Variants in CTNNBL1 observed in about 807,000 individuals in gnomAD.
CTNNBL1 encodes the protein beta-catenin-like protein 1.
In CTNNBL1, 31 loss-of-function variants were observed where a neutral mutation model predicts 72.7. The ratio of observed to expected loss-of-function variants is 0.43; its 90% confidence interval spans 0.32 to 0.58. CTNNBL1 has a LOEUF of 0.58. Among genes scored for constraint, CTNNBL1 ranks in the 20% least tolerant of loss-of-function variants. The pLI, the probability that CTNNBL1 is intolerant of heterozygous loss-of-function variation, is 0.08. For missense variants in CTNNBL1, 534 were observed against 725.1 expected (o/e 0.74, Z 3.03); for synonymous variants, 240 against 267.3 (o/e 0.90, Z 1.00).
chr20:37,787,730 C>A (rs767807930), intron 10 of CTNNBL1, among the ~76,000 whole-genome samples: 6 of 151,938 alleles, frequency 3.9e-5, no homozygotes, highest in Non-Finnish European at 5.9e-5. Context: ...TACGTTTAGC[C>A]CTTTTCCTGT....
rs1330957753 is a variant in CTNNBL1, at chr20:37,760,266, A to G, written c.564+2610A>G. Among the ~76,000 whole-genome samples the G allele has an allele frequency of 3.3e-5, 5 of 152,170 alleles. No homozygotes were observed. The East Asian group carries it at 7.7e-4, about 23-fold the overall frequency. On this transcript the variant is annotated intron_variant, in intron 5 of 15. Transcript: ENST00000361383. ...GATGACTTTGGACTTCTTGAGAATGATGATTAAATTACAGTCATTTTTCTA... is the reference window on the plus strand; with the variant it reads ...GATGACTTTGGACTTCTTGAGAATGGTGATTAAATTACAGTCATTTTTCTA...
intron 11 of CTNNBL1, among the ~76,000 whole-genome samples, chr20:37,804,094 T>C (rs1004909817): frequency 2.0e-5 from 3 of 152,128 alleles, no homozygotes; most frequent in Non-Finnish European, 4.4e-5. Context: ...CAACAGGAAA[T>C]CTGGCTGGAG....
intron 13 of CTNNBL1, among the ~76,000 whole-genome samples, chr20:37,843,894 A>T (rs1249895468): frequency 2.0e-5 from 3 of 152,242 alleles, no homozygotes; most frequent in Non-Finnish European, 4.4e-5. Flanking sequence ...CAGTGATACT[A>T]CTGCAAGATA....
intron 13 of CTNNBL1, among the ~76,000 whole-genome samples, chr20:37,847,601 G>A (rs182813565): frequency 2.6e-5 from 4 of 152,240 alleles, no homozygotes; most frequent in African/African-American, 7.2e-5. Flanking sequence ...ATTCTTTCCC[G>A]TTTCCATTGG....
chr20:37,839,720 T>C (rs1181477021), intron 11 of CTNNBL1, among the ~76,000 whole-genome samples: 3 of 152,242 alleles, frequency 2.0e-5, no homozygotes, highest in African/African-American at 4.8e-5. Context: ...CAGCATGTCT[T>C]ATCTCCATTA....
intron 13 of CTNNBL1, among the ~76,000 whole-genome samples, chr20:37,850,030 TCTAAA>T (rs771564518): frequency 6.6e-6 from 1 of 152,246 alleles, no homozygotes; most frequent in Non-Finnish European, 1.5e-5. Flanking sequence ...TGTCTCTCCC[TCTAAA>T]CTAACTCTCA....
At chr20:37,703,259 A>G (rs938690330) in intron 1 of CTNNBL1, among the ~76,000 whole-genome samples, 1 of 152,208 alleles carries the variant, frequency 6.6e-6, no homozygotes, top group Non-Finnish European at 1.5e-5. Flanking sequence ...TAAACTGCAC[A>G]CTTAATTCAC....
At chr20:37,805,569 G>A (rs1473267415) in intron 11 of CTNNBL1, among the ~76,000 whole-genome samples, 1 of 151,878 alleles carries the variant, frequency 6.6e-6, no homozygotes, top group African/African-American at 2.4e-5. Flanking sequence ...GCTACTTTTT[G>A]TATTTTTAGT....
At chr20:37,731,326 C>T (rs1325650030) in intron 1 of CTNNBL1, among the ~76,000 whole-genome samples, 1 of 151,980 alleles carries the variant, frequency 6.6e-6, no homozygotes, top group Non-Finnish European at 1.5e-5. Context: ...ACCTCTGCCT[C>T]CCGGGTTCAA....
intron 11 of CTNNBL1, among the ~76,000 whole-genome samples, chr20:37,811,650 A>G (rs1176154139): frequency 1.3e-5 from 2 of 152,202 alleles, no homozygotes; most frequent in African/African-American, 4.8e-5. Flanking sequence ...TTCAAGTCAT[A>G]TTAAGGATTT....
chr20:37,870,515 C>T (rs968855594), intron 15 of CTNNBL1, among the ~76,000 whole-genome samples: 1 of 152,170 alleles, frequency 6.6e-6, no homozygotes, highest in African/African-American at 2.4e-5. Flanking sequence ...CTTTCTCACA[C>T]CCCATTTCCG....
chr20:37,694,430 T>TC (rs2072771454), intron 1 of CTNNBL1, among the ~76,000 whole-genome samples: 1 of 152,150 alleles, frequency 6.6e-6, no homozygotes, highest in Admixed American at 6.5e-5. Context: ...ATCCTTTTTT[T>TC]CACAACCATG....
chr20:37,816,019 GT>G (rs201828505), intron 11 of CTNNBL1, among the ~76,000 whole-genome samples: 1 of 151,858 alleles, frequency 6.6e-6, no homozygotes, highest in Non-Finnish European at 1.5e-5. Flanking sequence ...TTACTTGTTT[GT>G]TTTTTTTATG....
In CTNNBL1 at chr20:37,732,186, T is replaced by C. The variant is rs1435153117; in HGVS notation, c.31-693T>C. The stretch of plus-strand genomic sequence containing the variant: ...TGATGGTAAGCATTTTTTTCATATA[T>C]CTTCTGGCCATTTGTACATCTTCTT... On this transcript the variant is annotated intron_variant, in intron 1 of 15. Transcript: ENST00000361383. 4.6e-5 allele frequency among the ~76,000 whole-genome samples: 7 copies of C among 152,250 alleles called. No homozygotes were observed. The East Asian group carries it at 1.3e-3, about 29-fold the overall frequency.
chr20:37,825,807 G>A (rs138005395), intron 11 of CTNNBL1, among the ~76,000 whole-genome samples: 40 of 152,278 alleles, frequency 2.6e-4, no homozygotes, highest in East Asian at 2.5e-3. Context: ...TCCTCAAGTC[G>A]CTGGTGCCCA....
chr20:37,820,847 A>G (rs568698329), intron 11 of CTNNBL1, among the ~76,000 whole-genome samples: 12 of 152,316 alleles, frequency 7.9e-5, no homozygotes, highest in African/African-American at 2.6e-4. Context: ...AATGTGAACT[A>G]ATACACAAAT....
At chr20:37,840,870 GCT>G (rs1464272029) in intron 12 of CTNNBL1, among the ~76,000 whole-genome samples, 1 of 151,972 alleles carries the variant, frequency 6.6e-6, no homozygotes, top group Non-Finnish European at 1.5e-5. Flanking sequence ...GGCTATGGAA[GCT>G]GGGAACACAA....
chr20:37,739,214 C>G (rs1051808698), intron 3 of CTNNBL1, among the ~76,000 whole-genome samples: 3 of 152,116 alleles, frequency 2.0e-5, no homozygotes, highest in African/African-American at 7.2e-5. Context: ...CTACTCTGAT[C>G]CCTTTCCATT....
chr20:37,742,037 A>C (rs2073220843), intron 3 of CTNNBL1, among the ~76,000 whole-genome samples: 1 of 152,122 alleles, frequency 6.6e-6, no homozygotes, highest in African/African-American at 2.4e-5. Flanking sequence ...AGAAGGATCT[A>C]ACTTTCCAAA....
Sources: gnomAD v4.1 joint callset for allele counts (sites outside exome capture counted in the v4.1 genomes callset) on GRCh38, gnomAD v4.1.1 for gene constraint, MANE v1.5 for transcripts, NCBI Gene and HGNC (gene_info 2026-07-23, HGNC 2026-07-21) for gene names.